The following PCDHA4 variants were observed in gnomAD, a reference collection of about 807,000 sequenced individuals.
The protein encoded by PCDHA4 is protocadherin alpha 4.
Under a neutral mutation model 61.4 loss-of-function variants are expected in PCDHA4, and 49 were observed. The ratio of observed to expected loss-of-function variants is 0.80; its 90% CI spans 0.63 to 1.01. The LOEUF (loss-of-function observed/expected upper bound fraction) is 1.01, where lower values mean the gene tolerates loss of function less well. PCDHA4 is among the 50% of genes least tolerant of loss of function. PCDHA4 has a pLI of 0.00. For synonymous variants in PCDHA4, 590 were observed against 550.3 expected, an observed-to-expected ratio of 1.07 and a Z score of -1.01; for missense variants, 1,254 against 1,235.8, an observed-to-expected ratio of 1.01 and a Z score of -0.22.
intron 3 of PCDHA4, among the ~76,000 whole-genome samples, chr5:141,008,665 T>A (rs2098385671): frequency 6.6e-6 from 1 of 152,210 alleles, no homozygotes; most frequent in Non-Finnish European, 1.5e-5. Context: ...CACAATACTT[T>A]ACATATACTT....
chr5:140,952,903 C>T (rs896493880), intron 1 of PCDHA4, among the ~76,000 whole-genome samples: 4 of 152,092 alleles, frequency 2.6e-5, no homozygotes, highest in African/African-American at 7.2e-5. Flanking sequence ...GGGAATCAAG[C>T]TCATCTTACA....
chr5:140,960,253 G>A (rs1554224599), intron 1 of PCDHA4, among the ~76,000 whole-genome samples: 1 of 152,178 alleles, frequency 6.6e-6, no homozygotes, highest in African/African-American at 2.4e-5. Context: ...GCTTCCTGGA[G>A]CTTCTGATAA....
intron 1 of PCDHA4, chr5:140,830,205 G>A: frequency 1.9e-6 from 3 of 1,613,780 alleles, no homozygotes; most frequent in Non-Finnish European, 2.5e-6. Context: ...ATCGCCATCT[G>A]CGCGGTATCC....
chr5:140,884,651 T>G (rs2153405863), intron 1 of PCDHA4: 2 of 1,604,404 alleles, frequency 1.2e-6, no homozygotes, highest in Non-Finnish European at 1.7e-6. Flanking sequence ...GGACTCAGAA[T>G]GCTTGAAAGA....
In PCDHA4 at chr5:140,999,156, C is replaced by T. The variant is rs533302480; in HGVS notation, c.2534-10471C>T. On this transcript the variant is annotated intron_variant, in intron 3 of 3. Transcript: ENST00000530339. ...GTCACAGCCGGAAGTCTTCAGTCCCCTAGAAGGAAAAGAGCCTGATGGGGA... is the reference window on the plus strand; with the variant it reads ...GTCACAGCCGGAAGTCTTCAGTCCCTTAGAAGGAAAAGAGCCTGATGGGGA... 4.6e-5 allele frequency among the ~76,000 whole-genome samples: 7 copies of T among 152,280 alleles called. No individual in the cohort carries two copies. In the East Asian group the frequency reaches 1.4e-3, roughly 29 times the overall value.
intron 1 of PCDHA4, chr5:140,870,676 G>C (rs561705674): frequency 1.9e-6 from 3 of 1,612,584 alleles, no homozygotes; most frequent in Non-Finnish European, 2.5e-6. Flanking sequence ...GTTGGACCAC[G>C]AGGAGCTGGA....
At chr5:140,883,853 G>C in intron 1 of PCDHA4, 2 of 1,613,002 alleles carry the variant, frequency 1.2e-6, no homozygotes, top group Middle Eastern at 1.9e-4. Flanking sequence ...CGAGGAGCTG[G>C]AGCTGTTGCA....
chr5:140,929,497 C>A, intron 1 of PCDHA4: 1 of 977,560 alleles, frequency 1.0e-6, no homozygotes, highest in Non-Finnish European at 1.4e-6. Context: ...TAGAAGATTG[C>A]CCTAGGCCTC....
At position 140,849,713 on chromosome 5, in the gene PCDHA4, G is replaced by A. The variant is rs2150446260; in HGVS notation, c.2385+40141G>A. ...TGTCCACCTACAAGAATTACTACTC[G>A]TTGGTGCTGGACAGAGCTCTGGACC... On this transcript the variant is annotated intron_variant, in intron 1 of 3. Transcript: ENST00000530339. The A allele has an allele frequency of 6.6e-5, 105 of 1,598,450 alleles. 8 individuals carry two copies. Among genetic ancestry groups the A allele is most frequent in the Middle Eastern group, 1.7e-4 (1 of 5,910 alleles).
intron 1 of PCDHA4, chr5:140,882,774 C>T (rs782785084): frequency 1.2e-6 from 2 of 1,614,228 alleles, no homozygotes; most frequent in Non-Finnish European, 1.7e-6. Flanking sequence ...TCGGCATTGA[C>T]CTACCGACTG....
chr5:141,009,573 G>T, intron 3 of PCDHA4, 54 bp from the exon 4 acceptor site: 2 of 1,580,662 alleles, frequency 1.3e-6, no homozygotes, highest in South Asian at 1.2e-5. Context: ...CAGCAGTGTG[G>T]CATCAAGAGC....
At chr5:140,855,737 C>A (rs1168168277) in intron 1 of PCDHA4, 12 of 304,242 alleles carry the variant, frequency 3.9e-5, no homozygotes, top group Non-Finnish European at 6.7e-5. Context: ...TATAAAGAGA[C>A]GTAATGTGAG....
chr5:140,943,257 C>CAAAAAAAA (rs1238620023), intron 1 of PCDHA4, among the ~76,000 whole-genome samples: 2 of 77,482 alleles, frequency 2.6e-5, no homozygotes, highest in Admixed American at 1.5e-4. Flanking sequence ...GACTCTGTCT[C>CAAAAAAAA]AAAAAAAAAA....
At chr5:140,955,240 G>A (rs2095156409) in intron 1 of PCDHA4, among the ~76,000 whole-genome samples, 1 of 152,102 alleles carries the variant, frequency 6.6e-6, no homozygotes, top group African/African-American at 2.4e-5. Flanking sequence ...TTTTGCTTAG[G>A]ATCGGCTTGG....
At chr5:140,966,707 A>T in intron 1 of PCDHA4, 2 of 1,379,868 alleles carry the variant, frequency 1.4e-6, no homozygotes, top group Non-Finnish European at 9.3e-7. Flanking sequence ...GGCGTGGGGC[A>T]CGGCTGGGGA....
chr5:140,875,657 G>A (rs1241102848), intron 1 of PCDHA4: 1 of 1,613,738 alleles, frequency 6.2e-7, no homozygotes, highest in South Asian at 1.1e-5. Context: ...CTGGTGCCGC[G>A]CCTGTTCCGG....
intron 1 of PCDHA4, chr5:140,842,622 C>T (rs2150340886): frequency 1.3e-6 from 2 of 1,579,180 alleles, no homozygotes; most frequent in East Asian, 2.2e-5. Flanking sequence ...GGCTCGCCTT[C>T]GCTGTGGGCC....
chr5:140,939,269 A>G (rs1167199684), intron 1 of PCDHA4, among the ~76,000 whole-genome samples: 1 of 152,070 alleles, frequency 6.6e-6, no homozygotes, highest in Non-Finnish European at 1.5e-5. Flanking sequence ...CTTTTATGAG[A>G]GCTGTGCCCT....
At position 140,859,135 on chromosome 5, in the gene PCDHA4, A is replaced by G. The variant is rs571097776; in HGVS notation, c.2385+49563A>G. On this transcript the variant is annotated intron_variant, in intron 1 of 3. Coordinates refer to ENST00000530339, the MANE Select transcript of PCDHA4 (RefSeq NM_018907.4). Reference sequence around the variant, plus strand: ...AAATGTATGTTTCTTTTATTTACATAATTTTATCCAGTAGCTCTTCATTAT... The same window carrying G: ...AAATGTATGTTTCTTTTATTTACATGATTTTATCCAGTAGCTCTTCATTAT... The G allele has an allele frequency of 4.0e-5, 6 of 150,216 alleles. No homozygotes were observed. In the East Asian group the frequency reaches 1.2e-3, roughly 29 times the overall value. 9.3% of individuals were successfully genotyped at this position (150,216 alleles called of 1,614,324 possible). A position where few individuals can be genotyped will look rare whatever the true frequency, so the allele number is the denominator to read the frequency against.
Sources: allele counts gnomAD v4.1 joint callset (sites outside exome capture counted in the v4.1 genomes callset), GRCh38; gene constraint gnomAD v4.1.1; transcripts MANE v1.5; gene names NCBI Gene and HGNC (gene_info 2026-07-23, HGNC 2026-07-21).